The following SYNE1 variants were observed in gnomAD, a reference collection of about 807,000 sequenced individuals.
The protein encoded by SYNE1 is nesprin-1.
In SYNE1, 616 loss-of-function variants were observed where a neutral mutation model predicts 1,111.0. The ratio of observed to expected loss-of-function variants is 0.55; its 90% CI spans 0.52 to 0.59. SYNE1 has a LOEUF of 0.59. SYNE1 is among the 20% of genes least tolerant of loss of function. The pLI, the probability that SYNE1 is intolerant of heterozygous loss-of-function variation, is 0.00. For synonymous variants in SYNE1, 3,855 were observed against 3,825.8 expected (o/e 1.01, Z -0.28); for missense variants, 10,006 against 10,417.0 (o/e 0.96, Z 1.72).
At chr6:152,579,395 A>T (rs116406657) in intron 3 of SYNE1, among the ~76,000 whole-genome samples, 381 of 152,382 alleles carry the variant, frequency 2.5e-3, no homozygotes, top group African/African-American at 8.4e-3. Flanking sequence ...GCCATGTGGC[A>T]GATGTTCCAG....
chr6:152,353,650 C>G lies in SYNE1; in HGVS notation c.11021G>C (p.Arg3674Thr). ...EILDESHVNS[R>T]MGCQATQLTS... Reference sequence around the variant, plus strand: ...CAGCTGGGTGGCCTGGCAACCCATTCTGCTGTTCACGTGGCTCTCGTCCAG... The same window carrying G: ...CAGCTGGGTGGCCTGGCAACCCATTGTGCTGTTCACGTGGCTCTCGTCCAG... Residue 3674 changes from arginine (R) to threonine (T), a missense_variant, in exon 68 of 146, where the codon AGA becomes ACA. Arg to Thr is a moderately conservative substitution (Grantham distance 71, BLOSUM62 -1). This residue lies in a region of SYNE1 where 4,955 missense variants were observed against 5,017.2 expected (regional missense o/e 0.99). Transcript: ENST00000367255. 6.2e-7 allele frequency: 1 copy of G among 1,614,228 alleles called. No individual in the cohort carries two copies. The highest frequency in any genetic ancestry group is 8.5e-7 in the Non-Finnish European group (1 of 1,180,046).
rs374752865 is a variant in SYNE1, at chr6:152,293,088, A to C, written c.18012+500T>G. On this transcript the variant is annotated intron_variant, in intron 95 of 145. Coordinates refer to ENST00000367255, the MANE Select transcript of SYNE1 (RefSeq NM_182961.4). ...TTTTGCCTAGTTTAACCTTTTAAAA[A>C]ATGATTTAAGTCAGGGACAATCACA... Among the ~76,000 whole-genome samples the C allele has an allele frequency of 8.5e-5, 13 of 152,338 alleles. No homozygotes were observed. In the South Asian group the frequency reaches 1.2e-3, roughly 15 times the overall value.
intron 29 of SYNE1, 141 bp from the exon 30 acceptor site, chr6:152,444,719 C>T (rs2098561665): frequency 6.5e-6 from 5 of 769,238 alleles, no homozygotes; most frequent in South Asian, 1.8e-5. Flanking sequence ...TGATTCTCCA[C>T]ATCAGGCTAA....
intron 77 of SYNE1, among the ~76,000 whole-genome samples, chr6:152,332,541 T>A (rs1404792207): frequency 6.6e-6 from 1 of 152,196 alleles, no homozygotes; most frequent in African/African-American, 2.4e-5. Flanking sequence ...TTTTGTGTAA[T>A]GTTAAACAGT....
In SYNE1 at chr6:152,334,459, G is replaced by A. The variant is rs919962352; in HGVS notation, c.12529-186C>T. On this transcript the variant is annotated intron_variant, in intron 76 of 145. Coordinates refer to ENST00000367255, the MANE Select transcript of SYNE1 (RefSeq NM_182961.4). ...AAAATCACCATACCTCTTTATGAACGTTAATTCCCACGTGTGCAAGATTCA... is the reference window on the plus strand; with the variant it reads ...AAAATCACCATACCTCTTTATGAACATTAATTCCCACGTGTGCAAGATTCA... Among the ~76,000 whole-genome samples, 38 of 152,144 alleles carry A rather than the reference G, an allele frequency of 2.5e-4. 1 individual carries two copies. Among genetic ancestry groups the A allele is most frequent in the Admixed American group, 1.7e-3 (26 of 15,278 alleles).
At chr6:152,493,360 A>C (rs1432785094) in intron 11 of SYNE1, among the ~76,000 whole-genome samples, 1 of 151,928 alleles carries the variant, frequency 6.6e-6, no homozygotes, top group African/African-American at 2.4e-5. Context: ...GATTTCAAAG[A>C]TGCTTTCTTT....
intron 44 of SYNE1, among the ~76,000 whole-genome samples, chr6:152,408,635 A>G (rs952974252): frequency 6.6e-6 from 1 of 152,164 alleles, no homozygotes; most frequent in Non-Finnish European, 1.5e-5. Flanking sequence ...TCAGACTCTC[A>G]TTTTGCATTT....
At chr6:152,377,506 G>A (rs1419319028) in intron 56 of SYNE1, among the ~76,000 whole-genome samples, 3 of 149,996 alleles carry the variant, frequency 2.0e-5, no homozygotes, top group Non-Finnish European at 4.4e-5. Flanking sequence ...CTACTTGGGA[G>A]GCTGAGGCAG....
intron 14 of SYNE1, chr6:152,481,458 C>T: frequency 3.1e-6 from 1 of 326,784 alleles, no homozygotes; most frequent in Non-Finnish European, 6.2e-6. Flanking sequence ...AAAATAGTTT[C>T]ATATGTAGGT....
In SYNE1 at chr6:152,396,257, G is replaced by A. The variant is rs373743199; in HGVS notation, c.7556+518C>T. ...CAATGTAAGCTCTCCAAGAAAGCTG[G>A]GCAAGAGTCAGGCAAATTATTCTGC... On this transcript the variant is annotated intron_variant, in intron 50 of 145. Transcript: ENST00000367255. Among the ~76,000 whole-genome samples the A allele has an allele frequency of 7.2e-5, 11 of 152,196 alleles. No individual in the cohort carries two copies. The South Asian group carries it at 2.3e-3, about 32-fold the overall frequency.
intron 4 of SYNE1, among the ~76,000 whole-genome samples, chr6:152,536,259 T>G (rs1374370921): frequency 6.7e-6 from 1 of 149,400 alleles, no homozygotes; most frequent in Non-Finnish European, 1.5e-5. Flanking sequence ...TCTATACAGA[T>G]GCAGGCTCAT....
At chr6:152,327,329 A>C (rs2153958210) in intron 78 of SYNE1, among the ~76,000 whole-genome samples, 1 of 152,264 alleles carries the variant, frequency 6.6e-6, no homozygotes, top group South Asian at 2.1e-4. Context: ...AAAAAAAGAA[A>C]TATAGCAACA....
At chr6:152,152,193 G>T in intron 133 of SYNE1, 52 bp from the exon 134 acceptor site, 1 of 1,524,896 alleles carries the variant, frequency 6.6e-7, no homozygotes, top group Admixed American at 1.7e-5. Context: ...AGGACTCTCA[G>T]TAGTGGCTCC....
At chr6:152,515,589 C>A (rs1031072828) in intron 6 of SYNE1, among the ~76,000 whole-genome samples, 1 of 152,206 alleles carries the variant, frequency 6.6e-6, no homozygotes, top group African/African-American at 2.4e-5. Flanking sequence ...ATTTGCTCCC[C>A]TCTTCCAGAC....
At position 152,339,330 on chromosome 6, in the gene SYNE1, T is replaced by C; in HGVS notation, c.12262A>G (p.Thr4088Ala). 1 of 1,614,034 alleles carries C rather than the reference T, an allele frequency of 6.2e-7. No individual in the cohort carries two copies. The highest frequency in any genetic ancestry group is 8.5e-7 in the Non-Finnish European group (1 of 1,179,916). The change falls in exon 75 of 146, where the codon ACC becomes GCC. Residue 4088 changes from threonine to alanine, a missense_variant. Thr to Ala is a moderately conservative substitution (Grantham distance 58, BLOSUM62 0). This residue lies in a region of SYNE1 where 4,955 missense variants were observed against 5,017.2 expected (regional missense o/e 0.99). Coordinates refer to ENST00000367255, the MANE Select transcript of SYNE1 (RefSeq NM_182961.4). Reference protein sequence around the residue: ...HFRALQEQARTYLDLLCSMCD... With the variant: ...HFRALQEQARAYLDLLCSMCD... ...ATGGAGCAAAGGAGATCTAGGTAGG[T>C]CCTTGCCTGCTCTTGCAAAGCTCTG...
intron 41 of SYNE1, among the ~76,000 whole-genome samples, chr6:152,414,969 T>C (rs1324018494): frequency 6.6e-6 from 1 of 152,204 alleles, no homozygotes; most frequent in Non-Finnish European, 1.5e-5. Flanking sequence ...CCAGTCCCAA[T>C]ATTGACTCCA....
chr6:152,527,297 A>G (rs2099168104), intron 4 of SYNE1, among the ~76,000 whole-genome samples: 1 of 152,218 alleles, frequency 6.6e-6, no homozygotes, highest in Non-Finnish European at 1.5e-5. Context: ...TGAATAGTAC[A>G]ATTCTAAGTT....
chr6:152,510,102 C>T, intron 8 of SYNE1, 91 bp downstream of exon 8: 1 of 1,296,984 alleles, frequency 7.7e-7, no homozygotes, highest in Non-Finnish European at 1.1e-6. Context: ...TCAAATGTCT[C>T]TTCACATTTC....
chr6:152,427,627 T>G (rs1463831093), intron 38 of SYNE1, 66 bp downstream of exon 38: 1 of 1,580,046 alleles, frequency 6.3e-7, no homozygotes, highest in Non-Finnish European at 8.7e-7. Context: ...ATTTTATTAT[T>G]TTAAATAATG....
Sources: allele counts gnomAD v4.1 joint callset (sites outside exome capture counted in the v4.1 genomes callset), GRCh38; gene constraint gnomAD v4.1.1; regional missense constraint gnomAD v4.1.1; transcripts MANE v1.5; gene names NCBI Gene and HGNC (gene_info 2026-07-23, HGNC 2026-07-21).